SPHK1: variants seen among roughly 807,000 people sequenced by gnomAD.
SPHK1 encodes sphingosine kinase 1.
A neutral mutation model predicts 14.6 loss-of-function variants in SPHK1; 10 were observed. The observed-to-expected ratio is 0.68, with a 90% confidence interval of 0.42 to 1.16. SPHK1 has a LOEUF of 1.16. SPHK1 is among the 50% of genes most tolerant of loss of function. The pLI, the probability that SPHK1 is intolerant of heterozygous loss-of-function variation, is 0.00. For synonymous variants in SPHK1, 274 were observed against 224.0 expected (o/e 1.22, Z -1.99); for missense variants, 553 against 525.4 (o/e 1.05, Z -0.51).
chr17:76,385,837 C>T lies in SPHK1; in HGVS notation c.11-148C>T. 6.8e-7 allele frequency: 1 copy of T among 1,466,560 alleles called. No individual in the cohort carries two copies. Among genetic ancestry groups the T allele is most frequent in the Non-Finnish European group, 9.2e-7 (1 of 1,090,648 alleles). The allele number at this position is 1,466,560 out of a possible 1,614,324, so 90.8% of individuals were successfully genotyped here. On this transcript the variant is annotated intron_variant, in intron 2 of 5. Coordinates refer to ENST00000592299, the MANE Select transcript of SPHK1 (RefSeq NM_001142601.2). The surrounding 1 kb of genome is among the most constrained non-coding windows in gnomAD (Gnocchi z 5.3). The stretch of plus-strand genomic sequence containing the variant: ...GTGGCAGGGGCGCCGCGTCCCCACC[C>T]CAGGTCTCCCAGCAAAGGCCGCTCC...
chr17:76,385,232 A>G lies in SPHK1; in HGVS notation c.-194-219A>G. The G allele has an allele frequency of 1.9e-6, 3 of 1,543,954 alleles. No homozygotes were observed. In the East Asian group the frequency reaches 7.3e-5, roughly 37 times the overall value. ...TGACTCATCCGTCGGGCCGGAACCG[A>G]ACCCCAAGCCCCAGGGAGAAAGCCC... On this transcript the variant is annotated intron_variant, in intron 1 of 5. Coordinates refer to ENST00000592299, the MANE Select transcript of SPHK1 (RefSeq NM_001142601.2). This position sits in a 1 kb window ranked among gnomAD's most constrained non-coding sequence, Gnocchi z 5.3.
At position 76,385,904 on chromosome 17, in the gene SPHK1, T is replaced by C; in HGVS notation, c.11-81T>C. 2 of 1,511,276 alleles carry C rather than the reference T, an allele frequency of 1.3e-6. No homozygotes were observed. The highest frequency in any genetic ancestry group is 1.8e-6 in the Non-Finnish European group (2 of 1,125,678). 93.6% of individuals were successfully genotyped at this position (1,511,276 alleles called of 1,614,324 possible). A position where few individuals can be genotyped will look rare whatever the true frequency, so the allele number is the denominator to read the frequency against. On this transcript the variant is annotated intron_variant, in intron 2 of 5. Coordinates refer to ENST00000592299, the MANE Select transcript of SPHK1 (RefSeq NM_001142601.2). This position sits in a 1 kb window ranked among gnomAD's most constrained non-coding sequence, Gnocchi z 5.3. ...TACCGGGGTGTTTCGGGCACCAAGT[T>C]CCCACACTAGTGCCCCATTGTTACC...
At position 76,387,614 on chromosome 17, in the gene SPHK1, C is replaced by T; in HGVS notation, c.*28C>T. 3 of 1,542,752 alleles carry T rather than the reference C, an allele frequency of 1.9e-6. No homozygotes were observed. Among genetic ancestry groups the T allele is most frequent in the Non-Finnish European group, 2.6e-6 (3 of 1,148,686 alleles). Reference sequence around the variant, plus strand: ...CCTGGGCCGCGCTGTGCCTTAGTGTCTACTTGCAGGACCCTTCCTCCTTCC... The same window carrying T: ...CCTGGGCCGCGCTGTGCCTTAGTGTTTACTTGCAGGACCCTTCCTCCTTCC... On this transcript the variant is annotated 3_prime_UTR_variant, in exon 6 of 6. Transcript: ENST00000592299. The surrounding 1 kb of genome is among the most constrained non-coding windows in gnomAD (Gnocchi z 4.1).
At position 76,385,154 on chromosome 17, in the gene SPHK1, CT is replaced by C. The variant is rs1415276147; in HGVS notation, c.-194-296del. 6.3e-7 allele frequency: 1 copy of C among 1,595,088 alleles called. No individual in the cohort carries two copies. The highest frequency in any genetic ancestry group is 1.3e-5 in the African/African-American group (1 of 74,716). On this transcript the variant is annotated intron_variant, in intron 1 of 5. Coordinates refer to ENST00000592299, the MANE Select transcript of SPHK1 (RefSeq NM_001142601.2). The surrounding 1 kb of genome is among the most constrained non-coding windows in gnomAD (Gnocchi z 5.3). ...TTTACGCAGCTGGACTCCCCTCCCCCTGGCAGCCCCGAGGGGTGAGGAGCTA... is the reference window on the plus strand; with the variant it reads ...TTTACGCAGCTGGACTCCCCTCCCCCGGCAGCCCCGAGGGGTGAGGAGCTA...
chr17:76,387,744 AAGTCC>A lies in SPHK1; in HGVS notation c.*159_*163del. 1.1e-6 allele frequency: 1 copy of A among 892,232 alleles called. No individual in the cohort carries two copies. Among genetic ancestry groups the A allele is most frequent in the African/African-American group, 1.7e-5 (1 of 59,384 alleles). 55.3% of individuals were successfully genotyped at this position (892,232 alleles called of 1,614,324 possible). ...TGCTTTGGGGGGACAGGCCAGAATG[AAGTCC>A]TGGGTCAGGAGCCCAGCTGGCTGGG... On this transcript the variant is annotated 3_prime_UTR_variant, in exon 6 of 6. Transcript: ENST00000592299. This position sits in a 1 kb window ranked among gnomAD's most constrained non-coding sequence, Gnocchi z 4.1.
chr17:76,387,530 G>A lies in SPHK1; in HGVS notation c.1099G>A (p.Glu367Lys), dbSNP rs2072016340. ...NYFWMVSGCV[E>K]PPPSWKPQQM... The stretch of plus-strand genomic sequence containing the variant: ...CTTCTGGATGGTCAGCGGTTGCGTG[G>A]AGCCCCCGCCCAGCTGGAAGCCCCA... Residue 367 changes from glutamate to lysine, a missense_variant, in exon 6 of 6, where the codon GAG (glutamate) becomes AAG (lysine). By Grantham distance (56) the Glu-to-Lys change is moderately conservative. Transcript: ENST00000592299. The surrounding 1 kb of genome is among the most constrained non-coding windows in gnomAD (Gnocchi z 4.1). 2 of 1,610,220 alleles carry A rather than the reference G, an allele frequency of 1.2e-6. No individual in the cohort carries two copies. Among genetic ancestry groups the A allele is most frequent in the African/African-American group, 1.3e-5 (1 of 74,954 alleles).
chr17:76,385,289 C>T lies in SPHK1; in HGVS notation c.-194-162C>T, dbSNP rs1041941049. 6.8e-5 allele frequency: 100 copies of T among 1,478,110 alleles called. No individual in the cohort carries two copies. Among genetic ancestry groups the T allele is most frequent in the Non-Finnish European group, 8.7e-5 (97 of 1,112,890 alleles). 91.6% of individuals were successfully genotyped at this position (1,478,110 alleles called of 1,614,324 possible). On this transcript the variant is annotated intron_variant, in intron 1 of 5. Transcript: ENST00000592299. This position sits in a 1 kb window ranked among gnomAD's most constrained non-coding sequence, Gnocchi z 5.3. ...AGGCGCCCTTCTCAGGGATTGTAGGCTTAGTCACACGGCGGGGGCGCCCTC... is the reference window on the plus strand; with the variant it reads ...AGGCGCCCTTCTCAGGGATTGTAGGTTTAGTCACACGGCGGGGGCGCCCTC...
In SPHK1 at chr17:76,387,538, G is replaced by A. The variant is rs750910095; in HGVS notation, c.1107G>A (p.Pro369=). ...TGGTCAGCGGTTGCGTGGAGCCCCC[G>A]CCCAGCTGGAAGCCCCAGCAGATGC... ...FWMVSGCVEP[P]PSWKPQQMPP... is the part of the protein sequence containing the mutation. The change falls in exon 6 of 6, where the codon CCG becomes CCA. Residue 369 remains proline, a synonymous_variant. Coordinates refer to ENST00000592299, the MANE Select transcript of SPHK1 (RefSeq NM_001142601.2). The surrounding 1 kb of genome is among the most constrained non-coding windows in gnomAD (Gnocchi z 4.1). The A allele has an allele frequency of 3.7e-5, 59 of 1,607,828 alleles. No homozygotes were observed. In the Middle Eastern group the frequency reaches 5.0e-4, roughly 14 times the overall value.
In SPHK1 at chr17:76,385,724, C is replaced by T. The variant is rs2071962440; in HGVS notation, c.10+70C>T. On this transcript the variant is annotated intron_variant, in intron 2 of 5. Coordinates refer to ENST00000592299, the MANE Select transcript of SPHK1 (RefSeq NM_001142601.2). The surrounding 1 kb of genome is among the most constrained non-coding windows in gnomAD (Gnocchi z 5.3). ...TCCTCGCCAGGAATGATGGAACGCCCAGCTGGACGAAAGGGGCTGTGGACG... is the reference window on the plus strand; with the variant it reads ...TCCTCGCCAGGAATGATGGAACGCCTAGCTGGACGAAAGGGGCTGTGGACG... 4.1e-6 allele frequency: 6 copies of T among 1,472,154 alleles called. No individual in the cohort carries two copies. The highest frequency in any genetic ancestry group is 2.5e-5 in the East Asian group (1 of 40,484). The allele number at this position is 1,472,154 out of a possible 1,614,324, so 91.2% of individuals were successfully genotyped here.
Position 76,386,302 on chromosome 17 carries a change from G to C in SPHK1, c.245G>C (p.Gly82Ala). ...GCTCTGGTGGTCATGTCTGGAGACGGGCTGATGCACGAGGTGAGGACCGCA... is the reference window on the plus strand; with the variant it reads ...GCTCTGGTGGTCATGTCTGGAGACGCGCTGATGCACGAGGTGAGGACCGCA... ...WDALVVMSGD[G>A]LMHEVVNGLM... is the part of the protein sequence containing the mutation. The change falls in exon 4 of 6, where the codon GGG (glycine) becomes GCG (alanine). Residue 82 changes from glycine (G) to alanine (A), a missense_variant. Gly to Ala is a moderately conservative substitution (Grantham distance 60). Transcript: ENST00000592299. This position sits in a 1 kb window ranked among gnomAD's most constrained non-coding sequence, Gnocchi z 5.3. 6.2e-7 allele frequency: 1 copy of C among 1,604,308 alleles called. No individual in the cohort carries two copies. Among genetic ancestry groups the C allele is most frequent in the Non-Finnish European group, 8.5e-7 (1 of 1,179,146 alleles).
In SPHK1 at chr17:76,386,797, C is replaced by T. The variant is rs772802939; in HGVS notation, c.375-9C>T. The T allele has an allele frequency of 3.3e-6, 5 of 1,529,406 alleles. No individual in the cohort carries two copies. The African/African-American group carries it at 4.1e-5, about 13-fold the overall frequency. The allele number at this position is 1,529,406 out of a possible 1,614,324, so 94.7% of individuals were successfully genotyped here. On this transcript the variant is annotated splice_polypyrimidine_tract_variant and intron_variant, in intron 5 of 5. Coordinates refer to ENST00000592299, the MANE Select transcript of SPHK1 (RefSeq NM_001142601.2). The surrounding 1 kb of genome is among the most constrained non-coding windows in gnomAD (Gnocchi z 5.3). Reference sequence around the variant, plus strand: ...CTGTCCTGCCTTATCTGACTTTTTCCCCCTGCAGCTATGAGCAGGTCACCA... The same window carrying T: ...CTGTCCTGCCTTATCTGACTTTTTCTCCCTGCAGCTATGAGCAGGTCACCA...
rs1482321355 is a variant in SPHK1 at position 76,385,437 on chromosome 17, C to A, written c.-194-14C>A. 2 of 1,521,804 alleles carry A rather than the reference C, an allele frequency of 1.3e-6. No individual in the cohort carries two copies. Among genetic ancestry groups the A allele is most frequent in the South Asian group, 1.2e-5 (1 of 82,774 alleles). 94.3% of individuals were successfully genotyped at this position (1,521,804 alleles called of 1,614,324 possible). On this transcript the variant is annotated splice_polypyrimidine_tract_variant and intron_variant, in intron 1 of 5. Transcript: ENST00000592299. This position sits in a 1 kb window ranked among gnomAD's most constrained non-coding sequence, Gnocchi z 5.3. ...CGGCCCCGGACTCCGCCAGCGCTGT[C>A]TTCTCTCCCTCAGGTCCAGCCGCCG...
chr17:76,383,898 T>C, upstream of SPHK1: 1 of 1,224,798 alleles, frequency 8.2e-7, no homozygotes, highest in Non-Finnish European at 1.0e-6. Flanking sequence ...ATCTACACTG[T>C]CAAGCCTCCT....
At position 76,387,713 on chromosome 17, in the gene SPHK1, A is replaced by G; in HGVS notation, c.*127A>G. Reference sequence around the variant, plus strand: ...CCTCTGGAGAAGGGTGAGAAGGTGGAGGCTATGCTTTGGGGGGACAGGCCA... The same window carrying G: ...CCTCTGGAGAAGGGTGAGAAGGTGGGGGCTATGCTTTGGGGGGACAGGCCA... On this transcript the variant is annotated 3_prime_UTR_variant, in exon 6 of 6. Transcript: ENST00000592299. The surrounding 1 kb of genome is among the most constrained non-coding windows in gnomAD (Gnocchi z 4.1). 8.8e-7 allele frequency: 1 copy of G among 1,133,146 alleles called. No homozygotes were observed. Among genetic ancestry groups the G allele is most frequent in the Non-Finnish European group, 1.2e-6 (1 of 825,554 alleles). The allele number at this position is 1,133,146 out of a possible 1,614,324, so 70.2% of individuals were successfully genotyped here.
At position 76,387,048 on chromosome 17, in the gene SPHK1, A is replaced by G; in HGVS notation, c.617A>G (p.Tyr206Cys). The change falls in exon 6 of 6, where the codon TAC (tyrosine) becomes TGC (cysteine). Residue 206 changes from tyrosine (Y) to cysteine (C), a missense_variant. By Grantham distance (194) the Tyr-to-Cys change is radical. Coordinates refer to ENST00000592299, the MANE Select transcript of SPHK1 (RefSeq NM_001142601.2). The surrounding 1 kb of genome is among the most constrained non-coding windows in gnomAD (Gnocchi z 4.1). The part of the protein sequence containing the change: ...TFLRLAALRT[Y>C]RGRLAYLPVG... Reference sequence around the variant, plus strand: ...CTGCGTCTGGCAGCCCTGCGCACCTACCGCGGCCGACTGGCCTACCTCCCT... The same window carrying G: ...CTGCGTCTGGCAGCCCTGCGCACCTGCCGCGGCCGACTGGCCTACCTCCCT... 1 of 1,613,474 alleles carries G rather than the reference A, an allele frequency of 6.2e-7. No individual in the cohort carries two copies. Among genetic ancestry groups the G allele is most frequent in the Non-Finnish European group, 8.5e-7 (1 of 1,180,040 alleles).
In SPHK1 at chr17:76,385,641, G is replaced by C. The variant is rs775563147; in HGVS notation, c.-4G>C. ...CCTGGCAGCGGGAGCCGCGGGTCGAGGTTATGGATCCAGGTTTGTGGGGTT... is the reference window on the plus strand; with the variant it reads ...CCTGGCAGCGGGAGCCGCGGGTCGACGTTATGGATCCAGGTTTGTGGGGTT... On this transcript the variant is annotated 5_prime_UTR_variant, in exon 2 of 6. Coordinates refer to ENST00000592299, the MANE Select transcript of SPHK1 (RefSeq NM_001142601.2). This position sits in a 1 kb window ranked among gnomAD's most constrained non-coding sequence, Gnocchi z 5.3. The C allele has an allele frequency of 6.5e-7, 1 of 1,537,776 alleles. No individual in the cohort carries two copies. The highest frequency in any genetic ancestry group is 1.2e-5 in the South Asian group (1 of 84,108).
rs759926457 is a variant in SPHK1 at position 76,386,330 on chromosome 17, G to A, written c.258+15G>A. ...TGATGCACGAGGTGAGGACCGCACT[G>A]CGCGGCTAGGCCTGGGGCTTGGCGC... On this transcript the variant is annotated intron_variant, in intron 4 of 5. Coordinates refer to ENST00000592299, the MANE Select transcript of SPHK1 (RefSeq NM_001142601.2). The surrounding 1 kb of genome is among the most constrained non-coding windows in gnomAD (Gnocchi z 5.3). 10 of 1,605,814 alleles carry A rather than the reference G, an allele frequency of 6.2e-6. No homozygotes were observed. The East Asian group carries it at 2.2e-4, about 36-fold the overall frequency.
At position 76,386,268 on chromosome 17, in the gene SPHK1, CG is replaced by C; in HGVS notation, c.212del (p.Arg71ProfsTer13). ...RELVRSEELGRWDALVVMSGD... is the reference protein window; with the variant it reads ...RELVRSEELGXWDALVVMSGD... ...GCTGGTGCGGTCGGAGGAGCTGGGC[CG>C]CTGGGACGCTCTGGTGGTCATGTCT... On this transcript the variant is annotated frameshift_variant, in exon 4 of 6. Coordinates refer to ENST00000592299, the MANE Select transcript of SPHK1 (RefSeq NM_001142601.2). LOFTEE classifies it high-confidence loss of function. This position sits in a 1 kb window ranked among gnomAD's most constrained non-coding sequence, Gnocchi z 5.3. 6.3e-7 allele frequency: 1 copy of C among 1,597,050 alleles called. No individual in the cohort carries two copies. Among genetic ancestry groups the C allele is most frequent in the Non-Finnish European group, 8.5e-7 (1 of 1,177,042 alleles).
rs1272762331 is a variant in SPHK1 at position 76,386,275 on chromosome 17, A to G, written c.218A>G (p.Asp73Gly). 1 of 1,598,928 alleles carries G rather than the reference A, an allele frequency of 6.3e-7. No homozygotes were observed. Among genetic ancestry groups the G allele is most frequent in the African/African-American group, 1.3e-5 (1 of 74,914 alleles). Residue 73 changes from aspartate to glycine, a missense_variant, in exon 4 of 6, where the codon GAC becomes GGC. Physicochemically the swap from Asp to Gly is moderately conservative, Grantham distance 94. Coordinates refer to ENST00000592299, the MANE Select transcript of SPHK1 (RefSeq NM_001142601.2). The surrounding 1 kb of genome is among the most constrained non-coding windows in gnomAD (Gnocchi z 5.3). ...LVRSEELGRW[D>G]ALVVMSGDGL... is the part of the protein sequence containing the mutation. ...CGGTCGGAGGAGCTGGGCCGCTGGGACGCTCTGGTGGTCATGTCTGGAGAC... is the reference window on the plus strand; with the variant it reads ...CGGTCGGAGGAGCTGGGCCGCTGGGGCGCTCTGGTGGTCATGTCTGGAGAC...
Sources: allele counts gnomAD v4.1 joint callset, GRCh38; gene constraint gnomAD v4.1.1; non-coding constraint Gnocchi (gnomAD v3.1); transcripts MANE v1.5; gene names NCBI Gene and HGNC (gene_info 2026-07-23, HGNC 2026-07-21).